The following UCHL5 variants were observed in gnomAD, a reference collection of about 807,000 sequenced individuals.
UCHL5 encodes the protein ubiquitin carboxyl-terminal hydrolase isozyme L5.
UCHL5 carries 34 observed loss-of-function variants against 53.8 expected under a neutral mutation model. That is an observed-to-expected ratio of 0.63 (90% CI 0.48 to 0.84). The LOEUF (loss-of-function observed/expected upper bound fraction) is 0.84. Among genes scored for constraint, UCHL5 ranks in the 40% least tolerant of loss-of-function variants. UCHL5 has a pLI of 0.00. For synonymous variants in UCHL5, 111 were observed against 126.3 expected, an observed-to-expected ratio of 0.88 and a Z score of 0.81; for missense variants, 290 against 385.6, an observed-to-expected ratio of 0.75 and a Z score of 2.08.
Position 193,019,744 on chromosome 1 carries a change from A to C in UCHL5, c.942+1353T>G, listed in dbSNP as rs1052702112. On this transcript the variant is annotated intron_variant, in intron 10 of 10. Transcript: ENST00000367454. ...TCAAAAAAATCTGGGGATATAGTGT[A>C]ATTAAAAATCAAACAACAGTGGTTC... 9.1e-5 allele frequency: 46 copies of C among 503,950 alleles called. No individual in the cohort carries two copies. The African/African-American group carries it at 9.4e-4, about 10-fold the overall frequency. The allele number at this position is 503,950 out of a possible 1,614,324, so 31.2% of individuals were successfully genotyped here. A position where few individuals can be genotyped will look rare whatever the true frequency, so the allele number is the denominator to read the frequency against.
chr1:193,030,302 T>C (rs1660901446), intron 3 of UCHL5, among the ~76,000 whole-genome samples: 1 of 152,206 alleles, frequency 6.6e-6, no homozygotes, highest in African/African-American at 2.4e-5. Context: ...CTACATGCAT[T>C]ATTTCTTTTA....
Position 193,016,137 on chromosome 1 carries a change from C to T in UCHL5, c.*214G>A, listed in dbSNP as rs1360392824. The T allele has an allele frequency of 1.5e-5, 7 of 470,756 alleles. No individual in the cohort carries two copies. The highest frequency in any genetic ancestry group is 4.0e-5 in the Admixed American group (1 of 24,842). 29.2% of individuals were successfully genotyped at this position (470,756 alleles called of 1,614,324 possible). ...TGTCAAATAATGGAATTTGGGAAAGCATTCTTAATATCACTTTCATTTAAT... is the reference window on the plus strand; with the variant it reads ...TGTCAAATAATGGAATTTGGGAAAGTATTCTTAATATCACTTTCATTTAAT... On this transcript the variant is annotated 3_prime_UTR_variant, in exon 11 of 11. Transcript: ENST00000367454.
chr1:193,017,178 T>C (rs1655150227), intron 10 of UCHL5, among the ~76,000 whole-genome samples: 1 of 151,796 alleles, frequency 6.6e-6, no homozygotes, highest in African/African-American at 2.4e-5. Context: ...TCTCAGATGA[T>C]GCCAGTTCTG....
intron 2 of UCHL5, among the ~76,000 whole-genome samples, chr1:193,050,638 T>A (rs1571900344): frequency 6.6e-6 from 1 of 151,720 alleles, no homozygotes; most frequent in African/African-American, 2.4e-5. Context: ...CCCGGCTACC[T>A]GGGAGGCTGA....
In UCHL5 at chr1:193,013,366, T is replaced by C. The variant is rs1207808848; in HGVS notation, c.*2985A>G. The stretch of plus-strand genomic sequence containing the variant: ...AGTTTCAAAACTCCCAATATAAATC[T>C]GCATTCCTCTTCAAATAGCTAGAGT... On this transcript the variant is annotated 3_prime_UTR_variant, in exon 11 of 11. Transcript: ENST00000367454. 6.6e-6 allele frequency: 1 copy of C among 152,200 alleles called. No individual in the cohort carries two copies. The highest frequency in any genetic ancestry group is 2.4e-5 in the African/African-American group (1 of 41,448). 9.4% of individuals were successfully genotyped at this position (152,200 alleles called of 1,614,324 possible).
At chr1:193,032,669 C>T (rs1310159754) in intron 3 of UCHL5, among the ~76,000 whole-genome samples, 1 of 152,216 alleles carries the variant, frequency 6.6e-6, no homozygotes, top group South Asian at 2.1e-4. Flanking sequence ...GGAACTTAAA[C>T]AAATGCAGAA....
chr1:193,040,307 T>TA (rs536911891), intron 3 of UCHL5, among the ~76,000 whole-genome samples: 20 of 151,704 alleles, frequency 1.3e-4, no homozygotes, highest in South Asian at 1.0e-3. Context: ...CAGGAGAAGA[T>TA]AAAAAAAATC....
intron 3 of UCHL5, among the ~76,000 whole-genome samples, chr1:193,037,688 C>T (rs1324292286): frequency 6.6e-6 from 1 of 151,928 alleles, no homozygotes; most frequent in Non-Finnish European, 1.5e-5. Context: ...AACTACAGAC[C>T]AGTATCACTG....
intron 10 of UCHL5, among the ~76,000 whole-genome samples, chr1:193,016,980 G>C (rs1180626821): frequency 6.6e-6 from 1 of 151,694 alleles, no homozygotes; most frequent in Non-Finnish European, 1.5e-5. Flanking sequence ...AAATGAAAAA[G>C]CCAGAGCTTA....
intron 3 of UCHL5, among the ~76,000 whole-genome samples, chr1:193,039,229 G>A (rs1355808605): frequency 2.0e-5 from 3 of 151,956 alleles, no homozygotes; most frequent in Non-Finnish European, 4.4e-5. Flanking sequence ...GGCCAACATG[G>A]CAAAATCCTA....
At chr1:193,051,572 C>T (rs574450422) in intron 2 of UCHL5, among the ~76,000 whole-genome samples, 182 bp downstream of exon 2, 3 of 150,998 alleles carry the variant, frequency 2.0e-5, no homozygotes, top group Non-Finnish European at 4.4e-5. Flanking sequence ...ACCTATCAGC[C>T]TCAGGTTCTT....
intron 10 of UCHL5, chr1:193,020,446 TA>T: frequency 6.5e-7 from 1 of 1,541,114 alleles, no homozygotes; most frequent in Admixed American, 2.0e-5. Flanking sequence ...CCTTCCCCTA[TA>T]TCAGAATATC....
At chr1:193,018,738 G>A in intron 10 of UCHL5, 2 of 1,480,708 alleles carry the variant, frequency 1.4e-6, no homozygotes, top group Non-Finnish European at 1.8e-6. Context: ...TCAGCATATA[G>A]TAGCACTGCA....
At chr1:193,059,400 C>A, upstream of UCHL5, 1 of 1,609,730 alleles carries the variant, frequency 6.2e-7, no homozygotes, top group Non-Finnish European at 8.5e-7. The surrounding 1 kb of genome is among the most constrained non-coding windows in gnomAD (Gnocchi z 4.9). Flanking sequence ...CGACAGCCTC[C>A]GGGCGCCGTC....
intron 10 of UCHL5, among the ~76,000 whole-genome samples, chr1:193,016,672 A>G (rs1424072497): frequency 1.3e-5 from 2 of 151,844 alleles, no homozygotes; most frequent in African/African-American, 4.8e-5. Context: ...TAATTTAAAA[A>G]TTCCATAAAG....
chr1:193,043,779 T>C (rs1482204187), intron 3 of UCHL5, among the ~76,000 whole-genome samples: 1 of 152,110 alleles, frequency 6.6e-6, no homozygotes, highest in African/African-American at 2.4e-5. Context: ...AGGGGGTTCC[T>C]TGGATGGCAA....
chr1:193,058,427 C>G (rs1040445474), intron 1 of UCHL5, among the ~76,000 whole-genome samples: 1 of 152,186 alleles, frequency 6.6e-6, no homozygotes, highest in East Asian at 1.9e-4. Context: ...TAAAAACGTA[C>G]TGTCCAAAGA....
chr1:193,029,230 T>C lies in UCHL5; in HGVS notation c.514A>G (p.Asn172Asp). ...CCATCTAATTCATACAGTCTCCCAT[T>C]AACAGGAACATAACTGACAAAGTGA... Reference protein sequence around the residue: ...AFHFVSYVPVNGRLYELDGLR... With the variant: ...AFHFVSYVPVDGRLYELDGLR... Residue 172 changes from asparagine (N) to aspartate (D), a missense_variant, in exon 6 of 11, where the codon AAT (asparagine) becomes GAT (aspartate). Coordinates refer to ENST00000367454, the MANE Select transcript of UCHL5 (RefSeq NM_001199261.3). 6.2e-7 allele frequency: 1 copy of C among 1,613,832 alleles called. No individual in the cohort carries two copies. The highest frequency in any genetic ancestry group is 8.5e-7 in the Non-Finnish European group (1 of 1,179,832).
At chr1:193,018,148 C>A (rs1655511781) in intron 10 of UCHL5, among the ~76,000 whole-genome samples, 1 of 151,308 alleles carries the variant, frequency 6.6e-6, no homozygotes, top group Non-Finnish European at 1.5e-5. Context: ...TACCTTATTT[C>A]TATTAAGAAA....
Sources: allele counts gnomAD v4.1 joint callset (sites outside exome capture counted in the v4.1 genomes callset), GRCh38; gene constraint gnomAD v4.1.1; non-coding constraint Gnocchi (gnomAD v3.1); transcripts MANE v1.5; gene names NCBI Gene and HGNC (gene_info 2026-07-23, HGNC 2026-07-21).